Variants in PLXDC2 observed in about 807,000 individuals in gnomAD.
The protein encoded by PLXDC2 is plexin domain-containing protein 2.
A neutral mutation model predicts 68.9 loss-of-function variants in PLXDC2; 40 were observed. That is an observed-to-expected ratio of 0.58 (90% CI 0.45 to 0.76). PLXDC2 has a LOEUF of 0.76. Ranked by LOEUF, PLXDC2 falls within the 30% of genes least tolerant of loss-of-function variation. PLXDC2 has a pLI of 0.00. For missense variants in PLXDC2, 644 were observed against 661.9 expected (o/e 0.97, Z 0.30); for synonymous variants, 243 against 234.2 (o/e 1.04, Z -0.34).
intron 6 of PLXDC2, among the ~76,000 whole-genome samples, chr10:20,161,617 G>A (rs1036925466): frequency 1.1e-4 from 16 of 151,708 alleles, no homozygotes; most frequent in African/African-American, 3.4e-4. Flanking sequence ...TGGAGGAGAG[G>A]GCTTGACATA....
chr10:20,123,508 T>C (rs1024249137), intron 4 of PLXDC2, among the ~76,000 whole-genome samples: 1 of 152,234 alleles, frequency 6.6e-6, no homozygotes, highest in East Asian at 1.9e-4. Context: ...CGAGTTTGTA[T>C]TGGGGTCAAG....
intron 6 of PLXDC2, among the ~76,000 whole-genome samples, chr10:20,152,321 C>A (rs1589655252): frequency 6.6e-6 from 1 of 152,028 alleles, no homozygotes; most frequent in African/African-American, 2.4e-5. Flanking sequence ...TTCACCAATA[C>A]CCTGTTGTTT....
intron 3 of PLXDC2, among the ~76,000 whole-genome samples, chr10:20,048,757 C>A (rs1458245351): frequency 6.6e-6 from 1 of 152,054 alleles, no homozygotes; most frequent in Non-Finnish European, 1.5e-5. Flanking sequence ...GTGCCGCCCC[C>A]CAAGGTAAGA....
chr10:19,913,214 C>T (rs886368678), intron 1 of PLXDC2, among the ~76,000 whole-genome samples: 1 of 151,998 alleles, frequency 6.6e-6, no homozygotes, highest in East Asian at 1.9e-4. Flanking sequence ...GTGATTGGAT[C>T]GTGGGGGTGG....
At chr10:20,255,296 A>T (rs187632624) in intron 13 of PLXDC2, among the ~76,000 whole-genome samples, 156 of 152,268 alleles carry the variant, frequency 1.0e-3, no homozygotes, top group African/African-American at 3.6e-3. Flanking sequence ...AAATCTGCAA[A>T]GCTACAATTC....
chr10:19,944,230 C>A (rs1833865213), intron 1 of PLXDC2, among the ~76,000 whole-genome samples: 1 of 152,020 alleles, frequency 6.6e-6, no homozygotes, highest in Non-Finnish European at 1.5e-5. Context: ...AGAAGCCATC[C>A]CATCGGCTTC....
intron 3 of PLXDC2, among the ~76,000 whole-genome samples, chr10:20,052,657 C>G (rs774131364): frequency 6.9e-6 from 1 of 143,966 alleles, no homozygotes; most frequent in Non-Finnish European, 1.5e-5. Context: ...GGGAGTTTCT[C>G]GAATCTTATC....
At chr10:19,939,582 T>G (rs1833782642) in intron 1 of PLXDC2, among the ~76,000 whole-genome samples, 1 of 152,212 alleles carries the variant, frequency 6.6e-6, no homozygotes, top group South Asian at 2.1e-4. Context: ...ATATGCAAGA[T>G]TTTGTAACTG....
At chr10:19,963,051 G>T (rs1834188162) in intron 1 of PLXDC2, among the ~76,000 whole-genome samples, 2 of 150,830 alleles carry the variant, frequency 1.3e-5, no homozygotes, top group South Asian at 4.2e-4. Flanking sequence ...ATAGGCTGTA[G>T]CTCAGAGCCC....
intron 1 of PLXDC2, among the ~76,000 whole-genome samples, chr10:19,852,680 A>T (rs925816999): frequency 6.6e-6 from 1 of 152,166 alleles, no homozygotes; most frequent in African/African-American, 2.4e-5. Context: ...ATCAAAACAC[A>T]TATTCAGCCA....
chr10:20,254,773 A>T lies in PLXDC2; in HGVS notation c.1473+9268A>T, dbSNP rs183154912. On this transcript the variant is annotated intron_variant, in intron 13 of 13. Transcript: ENST00000377252. Reference sequence around the variant, plus strand: ...AAAATAGGTGAAATTGGGTCACTTGAAAAAAAGAGACACTCTATGTATGTC... The same window carrying T: ...AAAATAGGTGAAATTGGGTCACTTGTAAAAAAGAGACACTCTATGTATGTC... Among the ~76,000 whole-genome samples, 7 of 152,196 alleles carry T rather than the reference A, an allele frequency of 4.6e-5. 1 individual carries two copies. Among genetic ancestry groups the T allele is most frequent in the African/African-American group, 1.7e-4 (7 of 41,544 alleles).
rs1438937355 is a variant in PLXDC2 at position 19,817,190 on chromosome 10, T to C, written c.111T>C (p.Leu37=). Residue 37 remains leucine, a splice_region_variant and synonymous_variant, in exon 1 of 14, where the codon CTT becomes CTC. Transcript: ENST00000377252. The part of the protein sequence containing the change: ...FADGKPGDQI[L]DWQYGVTQAF... ...ATGGGAAACCCGGAGACCAAATCCT[T>C]GGTAAGTAAGATGCACTTTAGCTTG... 8.3e-6 allele frequency: 13 copies of C among 1,562,772 alleles called. No individual in the cohort carries two copies.
chr10:20,222,824 AAAAAAAATTAAAT>A (rs1285804135), intron 12 of PLXDC2, among the ~76,000 whole-genome samples: 2 of 151,930 alleles, frequency 1.3e-5, no homozygotes, highest in African/African-American at 4.8e-5. Flanking sequence ...CCTGTCCTTA[AAAAAAAATTAAAT>A]AAAAAAATTA....
chr10:20,113,130 C>G lies in PLXDC2; in HGVS notation c.542-30165C>G, dbSNP rs555035726. On this transcript the variant is annotated intron_variant, in intron 4 of 13. Coordinates refer to ENST00000377252, the MANE Select transcript of PLXDC2 (RefSeq NM_032812.9). ...CGGATTCTTTTCCCAGATCTCCAGA[C>G]TTTTCACTTCAAAGTGCAACGGCTT... is the stretch of plus-strand genomic sequence containing the variant. Among the ~76,000 whole-genome samples, 63 of 152,292 alleles carry G rather than the reference C, an allele frequency of 4.1e-4. 1 individual carries two copies. In the South Asian group the frequency reaches 0.012, roughly 29 times the overall value.
At chr10:20,200,758 C>T (rs1374295757) in intron 9 of PLXDC2, among the ~76,000 whole-genome samples, 2 of 151,882 alleles carry the variant, frequency 1.3e-5, no homozygotes, top group Non-Finnish European at 2.9e-5. Flanking sequence ...AAATGGCCAA[C>T]AAATATAATT....
chr10:20,250,271 CAAAAAAA>C (rs35463564), intron 13 of PLXDC2, among the ~76,000 whole-genome samples: 8 of 108,470 alleles, frequency 7.4e-5, no homozygotes, highest in Non-Finnish European at 1.2e-4. Flanking sequence ...GATCCTGTTT[CAAAAAAA>C]AAAAAAAAAA....
chr10:20,106,694 T>C (rs1332337639), intron 4 of PLXDC2, among the ~76,000 whole-genome samples: 7 of 152,104 alleles, frequency 4.6e-5, no homozygotes, highest in Admixed American at 4.6e-4. Context: ...CCTTCACCTC[T>C]CTATTTTTTT....
intron 13 of PLXDC2, among the ~76,000 whole-genome samples, chr10:20,277,061 T>C (rs1343266873): frequency 4.0e-5 from 6 of 151,838 alleles, no homozygotes; most frequent in African/African-American, 1.2e-4. Flanking sequence ...ATACAAAAAC[T>C]AGCCGTGTGC....
In PLXDC2 at chr10:19,817,160, C is replaced by A. The variant is rs868361993; in HGVS notation, c.81C>A (p.Phe27Leu). ...LCHFFTDQFQ[F>L]ADGKPGDQIL... ...ACTTCTTCACGGACCAGTTTCAGTT[C>A]GCCGATGGGAAACCCGGAGACCAAA... The change falls in exon 1 of 14, where the codon TTC becomes TTA. Residue 27 changes from phenylalanine to leucine, a missense_variant. Around this residue, in one of 3 missense-constraint regions of PLXDC2, gnomAD observed 201 missense variants for 166.9 expected, o/e 1.20. Transcript: ENST00000377252. 3 of 1,574,788 alleles carry A rather than the reference C, an allele frequency of 1.9e-6. No homozygotes were observed. The highest frequency in any genetic ancestry group is 1.4e-5 in the African/African-American group (1 of 73,814).
Sources: allele counts gnomAD v4.1 joint callset (sites outside exome capture counted in the v4.1 genomes callset), GRCh38; gene constraint gnomAD v4.1.1; regional missense constraint gnomAD v4.1.1; transcripts MANE v1.5; gene names NCBI Gene and HGNC (gene_info 2026-07-23, HGNC 2026-07-21).